TBC1D23: variants seen among roughly 807,000 people sequenced by gnomAD.
TBC1D23 encodes TBC1 domain family member 23, also known as HCV non-structural protein 4A-transactivated protein 1.
A neutral mutation model predicts 91.4 loss-of-function variants in TBC1D23; 55 were observed. The ratio of observed to expected loss-of-function variants is 0.60; its 90% confidence interval spans 0.48 to 0.75. TBC1D23 has a LOEUF of 0.75. Among genes scored for constraint, TBC1D23 ranks in the 30% least tolerant of loss-of-function variants. The pLI is 0.00. For synonymous variants in TBC1D23, 289 were observed against 281.0 expected (o/e 1.03, Z -0.28); for missense variants, 725 against 836.1 (o/e 0.87, Z 1.64).
chr3:100,300,304 A>C (rs1705400244), intron 10 of TBC1D23, among the ~76,000 whole-genome samples: 2 of 152,072 alleles, frequency 1.3e-5, no homozygotes, highest in Non-Finnish European at 2.9e-5. Flanking sequence ...ACTCGTCTGA[A>C]AAATTTGATG....
In TBC1D23 at chr3:100,320,891, C is replaced by CAA; in HGVS notation, c.1946_1947dup (p.His650AsnfsTer18). On this transcript the variant is annotated frameshift_variant, in exon 18 of 19. Transcript: ENST00000394144. LOFTEE classifies it high-confidence loss of function. ...TGAATTCTGTAGTTAAAATTACATC[C>CAA]AAAAAAAAACATCCTGAACTCATTA... 6.3e-7 allele frequency: 1 copy of CAA among 1,587,516 alleles called. No homozygotes were observed. The highest frequency in any genetic ancestry group is 8.6e-7 in the Non-Finnish European group (1 of 1,162,908).
chr3:100,272,625 CATA>C (rs1435689069), intron 1 of TBC1D23, among the ~76,000 whole-genome samples: 1 of 152,122 alleles, frequency 6.6e-6, no homozygotes, highest in Non-Finnish European at 1.5e-5. Flanking sequence ...CAGCGTTCAG[CATA>C]TGGAGGATCC....
chr3:100,273,201 G>C (rs2067615468), intron 1 of TBC1D23, among the ~76,000 whole-genome samples: 5 of 152,194 alleles, frequency 3.3e-5, no homozygotes, highest in African/African-American at 1.2e-4. Context: ...TGAGATTAGG[G>C]AGTGGTGATG....
chr3:100,266,978 TG>T (rs1279273637), intron 1 of TBC1D23, among the ~76,000 whole-genome samples: 3 of 152,210 alleles, frequency 2.0e-5, no homozygotes, highest in Non-Finnish European at 4.4e-5. Context: ...CACTGAATAG[TG>T]GTTATATTCA....
At chr3:100,261,741 T>A (rs2067512734) in intron 1 of TBC1D23, among the ~76,000 whole-genome samples, 2 of 152,188 alleles carry the variant, frequency 1.3e-5, no homozygotes, top group African/African-American at 2.4e-5. Context: ...ATACTCGGGA[T>A]TGTGGGGGAA....
rs1418486684 is a variant in TBC1D23, at chr3:100,310,088, TG to T, written c.1414-313del. Among the ~76,000 whole-genome samples the T allele has an allele frequency of 2.0e-5, 3 of 152,342 alleles. No individual in the cohort carries two copies. In the East Asian group the frequency reaches 5.8e-4, roughly 29 times the overall value. On this transcript the variant is annotated intron_variant, in intron 13 of 18. Transcript: ENST00000394144. The stretch of plus-strand genomic sequence containing the variant: ...TAGTTTATCCTGAGGCCTCTCTCCT[TG>T]GCTTGCAGATGGATGCCTTGCCTTG...
intron 10 of TBC1D23, 113 bp from the exon 11 acceptor site, chr3:100,301,954 A>T: frequency 2.8e-6 from 2 of 714,280 alleles, no homozygotes; most frequent in South Asian, 1.9e-5. Context: ...TTTCCCCTTC[A>T]TTTTCATTGT....
chr3:100,308,809 C>T (rs1307054814), intron 13 of TBC1D23, among the ~76,000 whole-genome samples: 1 of 152,046 alleles, frequency 6.6e-6, no homozygotes, highest in Non-Finnish European at 1.5e-5. Context: ...GCACTTCCTT[C>T]TCATTAATTC....
At chr3:100,286,954 A>G (rs1277058135) in intron 4 of TBC1D23, among the ~76,000 whole-genome samples, 1 of 151,582 alleles carries the variant, frequency 6.6e-6, no homozygotes, top group Non-Finnish European at 1.5e-5. Context: ...AGCTGGAATC[A>G]CAGGCGTGTG....
At chr3:100,274,141 G>C (rs1432651325) in intron 1 of TBC1D23, among the ~76,000 whole-genome samples, 1 of 152,092 alleles carries the variant, frequency 6.6e-6, no homozygotes, top group Non-Finnish European at 1.5e-5. Context: ...TTCATTTTAA[G>C]AAAGTAAGCT....
intron 15 of TBC1D23, among the ~76,000 whole-genome samples, chr3:100,312,312 G>C (rs765011972): frequency 3.9e-5 from 6 of 152,038 alleles, no homozygotes; most frequent in Non-Finnish European, 8.8e-5. Context: ...TTGTTAATTT[G>C]TGTACATTAT....
chr3:100,285,936 C>G (rs1377798807), intron 4 of TBC1D23, among the ~76,000 whole-genome samples: 1 of 147,330 alleles, frequency 6.8e-6, no homozygotes, highest in Non-Finnish European at 1.5e-5. Flanking sequence ...TTTTTTTTTT[C>G]CAATAAATCT....
chr3:100,270,335 G>A (rs1393772773), intron 1 of TBC1D23, among the ~76,000 whole-genome samples: 1 of 152,182 alleles, frequency 6.6e-6, no homozygotes, highest in African/African-American at 2.4e-5. Flanking sequence ...TAAGAAGACA[G>A]TCAAACTTTG....
rs1705335684 is a variant in TBC1D23 at position 100,298,005 on chromosome 3, T to C, written c.959T>C (p.Ile320Thr). ...ADLSQALCLA[I>T]SVSEILQANQ... ...CTGAGTCAGGCTCTTTGTCTGGCCA[T>C]CTCCGTGTCAGAGATCCTTCAAGCG... The change falls in exon 9 of 19, where the codon ATC becomes ACC. Residue 320 changes from isoleucine to threonine, a missense_variant. By Grantham distance (89) the Ile-to-Thr change is moderately conservative. Transcript: ENST00000394144. The C allele has an allele frequency of 1.9e-6, 3 of 1,613,626 alleles. No homozygotes were observed. The African/African-American group carries it at 4.0e-5, about 22-fold the overall frequency.
chr3:100,304,915 T>A, intron 12 of TBC1D23, 27 bp downstream of exon 12: 5 of 1,283,960 alleles, frequency 3.9e-6, no homozygotes. Flanking sequence ...TTAGTTTTTT[T>A]CCTCTATGTT....
intron 1 of TBC1D23, among the ~76,000 whole-genome samples, chr3:100,266,425 T>C (rs2067558442): frequency 6.6e-6 from 1 of 152,056 alleles, no homozygotes; most frequent in Admixed American, 6.5e-5. Context: ...TGTGCCACCA[T>C]GCCCGGCTAA....
chr3:100,318,862 A>G (rs893393136), intron 16 of TBC1D23, among the ~76,000 whole-genome samples: 1 of 152,072 alleles, frequency 6.6e-6, no homozygotes, highest in African/African-American at 2.4e-5. Flanking sequence ...CATGTTGCCC[A>G]GGCTGGTCTC....
chr3:100,282,247 G>T (rs1183328703), intron 3 of TBC1D23, among the ~76,000 whole-genome samples: 1 of 152,216 alleles, frequency 6.6e-6, no homozygotes, highest in Non-Finnish European at 1.5e-5. Flanking sequence ...AGGAGGCAAA[G>T]GTTGCAGTGA....
intron 11 of TBC1D23, among the ~76,000 whole-genome samples, 177 bp from the exon 12 acceptor site, chr3:100,304,669 G>T (rs1362736077): frequency 6.6e-6 from 1 of 152,068 alleles, no homozygotes; most frequent in Non-Finnish European, 1.5e-5. Context: ...AACTTACAAT[G>T]CATAATAAGG....
Sources: gnomAD v4.1 joint callset for allele counts (sites outside exome capture counted in the v4.1 genomes callset) on GRCh38, gnomAD v4.1.1 for gene constraint, MANE v1.5 for transcripts, NCBI Gene and HGNC (gene_info 2026-07-23, HGNC 2026-07-21) for gene names.